The following SNX29 variants were observed in gnomAD, a reference collection of about 807,000 sequenced individuals.
SNX29 encodes the protein sorting nexin 29.
Under a neutral mutation model 102.1 loss-of-function variants are expected in SNX29, and 78 were observed. That is an observed-to-expected ratio of 0.76 (90% CI 0.64 to 0.92). The LOEUF (loss-of-function observed/expected upper bound fraction) is 0.92, where lower values mean the gene tolerates loss of function less well. Ranked by LOEUF, SNX29 falls within the 40% of genes least tolerant of loss-of-function variation. SNX29 has a pLI of 0.00. For missense variants in SNX29, 1,280 were observed against 1,061.7 expected (o/e 1.21, Z -2.86); for synonymous variants, 580 against 414.5 (o/e 1.40, Z -4.85).
Position 12,554,829 on chromosome 16 carries a change from C to T in SNX29, c.2319-13677C>T, listed in dbSNP as rs114326213. ...TTTGTATTGAGCACCTGCTCTGTGC[C>T]ATTCTTTCCGTAGGTGCCAGGGTGC... On this transcript the variant is annotated intron_variant, in intron 20 of 20. Coordinates refer to ENST00000566228, the MANE Select transcript of SNX29 (RefSeq NM_032167.5). Among the ~76,000 whole-genome samples the T allele has an allele frequency of 3.9e-3, 592 of 152,274 alleles. 2 individuals are homozygous for T. Among genetic ancestry groups the T allele is most frequent in the African/African-American group, 0.013 (523 of 41,550 alleles).
At chr16:12,206,533 G>C (rs1310893877) in intron 14 of SNX29, among the ~76,000 whole-genome samples, 1 of 152,144 alleles carries the variant, frequency 6.6e-6, no homozygotes, top group African/African-American at 2.4e-5. Context: ...TAGCTCCCAT[G>C]AGTCAGTACA....
At chr16:12,514,974 G>T (rs2089801213) in intron 19 of SNX29, among the ~76,000 whole-genome samples, 1 of 152,120 alleles carries the variant, frequency 6.6e-6, no homozygotes, top group Non-Finnish European at 1.5e-5. Context: ...TCTCTCGATG[G>T]GCTGCTGAGA....
intron 6 of SNX29, among the ~76,000 whole-genome samples, chr16:12,046,807 T>G (rs1194094907): frequency 6.6e-6 from 1 of 152,040 alleles, no homozygotes; most frequent in Non-Finnish European, 1.5e-5. Flanking sequence ...TTAATAGAGA[T>G]AGAGTTTCAC....
At position 12,396,179 on chromosome 16, in the gene SNX29, A is replaced by T. The variant is rs564634001; in HGVS notation, c.1900-2267A>T. On this transcript the variant is annotated intron_variant, in intron 16 of 20. Coordinates refer to ENST00000566228, the MANE Select transcript of SNX29 (RefSeq NM_032167.5). ...AATCCCCACCCCTCAGGGGAAACTTACCTACCCAAAAAATACCTTGTTCCA... is the reference window on the plus strand; with the variant it reads ...AATCCCCACCCCTCAGGGGAAACTTTCCTACCCAAAAAATACCTTGTTCCA... Among the ~76,000 whole-genome samples, 12 of 152,308 alleles carry T rather than the reference A, an allele frequency of 7.9e-5. No homozygotes were observed. In the South Asian group the frequency reaches 1.9e-3, roughly 24 times the overall value.
Position 12,051,956 on chromosome 16 carries a change from T to C in SNX29, c.858T>C (p.Pro286=), listed in dbSNP as rs375555790. ...QNSGDVFKKT[P]GAGESSEDNS... is the part of the protein sequence containing the mutation. ...CTGGGGACGTGTTTAAAAAGACACC[T>C]GGGGCAGGGGAGAGCTCAGAGGACA... The change falls in exon 8 of 21, where the codon CCT becomes CCC. Residue 286 remains proline (P), a synonymous_variant. Coordinates refer to ENST00000566228, the MANE Select transcript of SNX29 (RefSeq NM_032167.5). 5.4e-5 allele frequency: 87 copies of C among 1,613,700 alleles called. No homozygotes were observed. The African/African-American group carries it at 1.1e-3, about 21-fold the overall frequency.
At position 12,167,571 on chromosome 16, in the gene SNX29, G is replaced by A. The variant is rs114257088; in HGVS notation, c.1596-32030G>A. ...AGGTGCAATCATTGATTCCATTATCGCCACCATTAAGTAATGATGATTATG... is the reference window on the plus strand; with the variant it reads ...AGGTGCAATCATTGATTCCATTATCACCACCATTAAGTAATGATGATTATG... On this transcript the variant is annotated intron_variant, in intron 13 of 20. Transcript: ENST00000566228. 6.6e-3 allele frequency among the ~76,000 whole-genome samples: 1,008 copies of A among 152,108 alleles called. 14 individuals carry two copies. Among genetic ancestry groups the A allele is most frequent in the African/African-American group, 0.023 (938 of 41,462 alleles).
chr16:12,013,916 G>A lies in SNX29; in HGVS notation c.122+10873G>A, dbSNP rs1387595962. On this transcript the variant is annotated intron_variant, in intron 3 of 20. Transcript: ENST00000566228. ...TCTACCCGCTTCGGCCCCCCAAAGT[G>A]CTAGGATTACAGGCATAAGCCACCG... is the stretch of plus-strand genomic sequence containing the variant. Among the ~76,000 whole-genome samples the A allele has an allele frequency of 5.3e-5, 8 of 152,024 alleles. No homozygotes were observed. In the East Asian group the frequency reaches 1.4e-3, roughly 26 times the overall value.
At chr16:12,126,279 C>A (rs2054210566) in intron 11 of SNX29, among the ~76,000 whole-genome samples, 1 of 152,184 alleles carries the variant, frequency 6.6e-6, no homozygotes, top group Non-Finnish European at 1.5e-5. Flanking sequence ...GGGCACCATT[C>A]CTAAGCATCT....
At chr16:12,276,852 G>A (rs1259175737) in intron 14 of SNX29, among the ~76,000 whole-genome samples, 2 of 152,172 alleles carry the variant, frequency 1.3e-5, no homozygotes, top group Non-Finnish European at 2.9e-5. Context: ...AGCCGTTTGT[G>A]TGCATGCTTG....
intron 20 of SNX29, among the ~76,000 whole-genome samples, chr16:12,542,679 T>C (rs2077395413): frequency 1.3e-5 from 2 of 152,084 alleles, no homozygotes; most frequent in African/African-American, 4.8e-5. Flanking sequence ...GTTGGGAACA[T>C]GGACTTTGGG....
At chr16:12,086,042 C>T (rs1043065124) in intron 11 of SNX29, among the ~76,000 whole-genome samples, 12 of 144,784 alleles carry the variant, frequency 8.3e-5, no homozygotes, top group Non-Finnish European at 1.3e-4. Flanking sequence ...GATGGAGTCT[C>T]GCTCTGGCTG....
chr16:12,265,790 C>T (rs112275274), intron 14 of SNX29, among the ~76,000 whole-genome samples: 4,341 of 150,810 alleles, frequency 0.029, 193 homozygotes, highest in African/African-American at 0.1. Flanking sequence ...CTTGGGAGGC[C>T]GAGGTGGAGG....
chr16:12,520,686 G>T (rs1384605884), intron 19 of SNX29, among the ~76,000 whole-genome samples: 1 of 152,196 alleles, frequency 6.6e-6, no homozygotes, highest in Non-Finnish European at 1.5e-5. Flanking sequence ...TCTAAGTGAA[G>T]TAACTCAGGA....
intron 13 of SNX29, among the ~76,000 whole-genome samples, 155 bp from the exon 14 acceptor site, chr16:12,199,446 C>T (rs184802912): frequency 2.0e-3 from 303 of 152,326 alleles, no homozygotes; most frequent in African/African-American, 5.9e-3. Context: ...AACCATCTCC[C>T]GTGATGATAT....
At chr16:11,984,374 C>CG (rs766720036) in intron 1 of SNX29, among the ~76,000 whole-genome samples, 1 of 9,432 alleles carries the variant, frequency 1.1e-4, no homozygotes, top group Non-Finnish European at 2.3e-4. Flanking sequence ...GACCCTGTCT[C>CG]AAAAAAAAAA....
intron 14 of SNX29, among the ~76,000 whole-genome samples, chr16:12,211,559 TG>T (rs2077183993): frequency 6.6e-6 from 1 of 150,942 alleles, no homozygotes; most frequent in Admixed American, 6.6e-5. Flanking sequence ...CCAATAGGGG[TG>T]TGTGTGTGTG....
chr16:11,983,933 G>A (rs2055493649), intron 1 of SNX29, among the ~76,000 whole-genome samples: 1 of 152,108 alleles, frequency 6.6e-6, no homozygotes, highest in African/African-American at 2.4e-5. Context: ...AAACTTACTT[G>A]GATGTATAAA....
At chr16:12,526,510 A>G (rs1452833443) in intron 20 of SNX29, 1 of 506,168 alleles carries the variant, frequency 2.0e-6, no homozygotes, top group Admixed American at 2.3e-5. Context: ...AGTTTCTAGA[A>G]CGCTTTATTT....
chr16:12,084,613 C>T (rs2052070992), intron 11 of SNX29, among the ~76,000 whole-genome samples: 1 of 152,182 alleles, frequency 6.6e-6, no homozygotes, highest in African/African-American at 2.4e-5. Flanking sequence ...GGAGGGCACA[C>T]TCGGAAGCTC....
Sources: gnomAD v4.1 joint callset for allele counts (sites outside exome capture counted in the v4.1 genomes callset) on GRCh38, gnomAD v4.1.1 for gene constraint, MANE v1.5 for transcripts, NCBI Gene and HGNC (gene_info 2026-07-23, HGNC 2026-07-21) for gene names.